SEC61A2: variants seen among roughly 807,000 people sequenced by gnomAD.
SEC61A2 encodes the protein protein transport protein Sec61 subunit alpha isoform 2.
Under a neutral mutation model 59.9 loss-of-function variants are expected in SEC61A2, and 28 were observed. The observed-to-expected ratio is 0.47, with a 90% CI of 0.35 to 0.64. The LOEUF is 0.64. SEC61A2 is among the 30% of genes least tolerant of loss of function. The probability of loss-of-function intolerance (pLI) is 0.01; values close to 1 mark genes in which losing one functional copy is unlikely to be tolerated. For missense variants in SEC61A2, 340 were observed against 585.9 expected, an observed-to-expected ratio of 0.58 and a Z score of 4.33; for synonymous variants, 202 against 214.4, an observed-to-expected ratio of 0.94 and a Z score of 0.50.
intron 1 of SEC61A2, among the ~76,000 whole-genome samples, chr10:12,132,997 G>A (rs539416002): frequency 2.0e-5 from 3 of 152,260 alleles, no homozygotes; most frequent in African/African-American, 4.8e-5. Flanking sequence ...TCTGGAAAAA[G>A]GTTGCTTGGA....
chr10:12,151,986 T>C (rs946365969), intron 6 of SEC61A2, among the ~76,000 whole-genome samples: 15 of 152,218 alleles, frequency 9.9e-5, no homozygotes, highest in African/African-American at 2.7e-4. Flanking sequence ...GTGTGACTTA[T>C]ATCCAGGAAA....
At chr10:12,146,557 A>G (rs549556294) in intron 4 of SEC61A2, among the ~76,000 whole-genome samples, 25 of 150,374 alleles carry the variant, frequency 1.7e-4, no homozygotes, top group East Asian at 6.0e-4. Flanking sequence ...TCGCTCTGTC[A>G]CCCAGGCTGG....
intron 3 of SEC61A2, among the ~76,000 whole-genome samples, chr10:12,137,314 G>A (rs1398056894): frequency 6.6e-6 from 1 of 151,962 alleles, no homozygotes; most frequent in Non-Finnish European, 1.5e-5. Flanking sequence ...GTGTTTTTTT[G>A]GTTTTTGTTT....
chr10:12,135,705 C>A (rs11257556), intron 2 of SEC61A2, among the ~76,000 whole-genome samples: 60,675 of 152,046 alleles, frequency 0.4, 13,282 homozygotes, highest in South Asian at 0.55. Flanking sequence ...TAAGTGAGAG[C>A]CCACAGTGTT....
At position 12,142,612 on chromosome 10, in the gene SEC61A2, G is replaced by A. The variant is rs1478785258; in HGVS notation, c.142-505G>A. Reference sequence around the variant, plus strand: ...TGGTGGGAGTGTTTTTTAAATTGTGGTAAAAGTATAGAAAATATGCCATCT... The same window carrying A: ...TGGTGGGAGTGTTTTTTAAATTGTGATAAAAGTATAGAAAATATGCCATCT... On this transcript the variant is annotated intron_variant, in intron 3 of 11. Transcript: ENST00000298428. This position sits in a 1 kb window ranked among gnomAD's most constrained non-coding sequence, Gnocchi z 5.4. 1.6e-6 allele frequency: 1 copy of A among 622,606 alleles called. No individual in the cohort carries two copies. Among genetic ancestry groups the A allele is most frequent in the Non-Finnish European group, 2.0e-6 (1 of 498,938 alleles). 38.6% of individuals were successfully genotyped at this position (622,606 alleles called of 1,614,324 possible).
At position 12,154,477 on chromosome 10, in the gene SEC61A2, T is replaced by G. The variant is rs1259843397; in HGVS notation, c.463-1301T>G. Reference sequence around the variant, plus strand: ...GACGGCTGTTGCCTCCTGCATAGGATGGGTTTCTCTATGATGGGGAGTCTC... The same window carrying G: ...GACGGCTGTTGCCTCCTGCATAGGAGGGGTTTCTCTATGATGGGGAGTCTC... On this transcript the variant is annotated intron_variant, in intron 6 of 11. Coordinates refer to ENST00000298428, the MANE Select transcript of SEC61A2 (RefSeq NM_018144.4). This position sits in a 1 kb window ranked among gnomAD's most constrained non-coding sequence, Gnocchi z 5.2. Among the ~76,000 whole-genome samples, 1 of 152,166 alleles carries G rather than the reference T, an allele frequency of 6.6e-6. No homozygotes were observed. The highest frequency in any genetic ancestry group is 1.5e-5 in the Non-Finnish European group (1 of 68,032).
rs1834330486 is a variant in SEC61A2 at position 12,153,610 on chromosome 10, C to T, written c.463-2168C>T. ...ATGAAACAAGTGAAGTGGATGTACA[C>T]TGATTCATTTACATGAATTCTGATA... On this transcript the variant is annotated intron_variant, in intron 6 of 11. Transcript: ENST00000298428. This position sits in a 1 kb window ranked among gnomAD's most constrained non-coding sequence, Gnocchi z 5.2. 2.0e-6 allele frequency: 2 copies of T among 998,652 alleles called. No individual in the cohort carries two copies. Among genetic ancestry groups the T allele is most frequent in the Non-Finnish European group, 2.9e-6 (2 of 696,132 alleles). 61.9% of individuals were successfully genotyped at this position (998,652 alleles called of 1,614,324 possible).
rs1170751571 is a variant in SEC61A2 at position 12,162,374 on chromosome 10, G to A, written c.1244+85G>A. Reference sequence around the variant, plus strand: ...TGGCTAAATGTTTTTCTTTGTTCAAGTTCATATTTAAAACCCTTCTATTCA... The same window carrying A: ...TGGCTAAATGTTTTTCTTTGTTCAAATTCATATTTAAAACCCTTCTATTCA... On this transcript the variant is annotated intron_variant, in intron 11 of 11. Coordinates refer to ENST00000298428, the MANE Select transcript of SEC61A2 (RefSeq NM_018144.4). This position sits in a 1 kb window ranked among gnomAD's most constrained non-coding sequence, Gnocchi z 6.1. 8 of 1,178,300 alleles carry A rather than the reference G, an allele frequency of 6.8e-6. No individual in the cohort carries two copies. Among genetic ancestry groups the A allele is most frequent in the East Asian group, 2.3e-5 (1 of 42,784 alleles). 73.0% of individuals were successfully genotyped at this position (1,178,300 alleles called of 1,614,324 possible).
rs115918860 is a variant in SEC61A2 at position 12,148,755 on chromosome 10, C to T, written c.221-840C>T. On this transcript the variant is annotated intron_variant, in intron 4 of 11. Coordinates refer to ENST00000298428, the MANE Select transcript of SEC61A2 (RefSeq NM_018144.4). The stretch of plus-strand genomic sequence containing the variant: ...GCCAGGATGGTCTCAATCTCCTGAC[C>T]TCAGGTGATCTGTTGGCTTTGGCCT... 2.6e-3 allele frequency among the ~76,000 whole-genome samples: 395 copies of T among 151,492 alleles called. 1 individual carries two copies. Among genetic ancestry groups the T allele is most frequent in the African/African-American group, 9.2e-3 (380 of 41,278 alleles).
rs1199860378 is a variant in SEC61A2 at position 12,160,955 on chromosome 10, G to A, written c.1001G>A (p.Arg334His). Residue 334 changes from arginine (R) to histidine (H), a missense_variant, in exon 10 of 12, where the codon CGT becomes CAT. Transcript: ENST00000298428. The surrounding 1 kb of genome is among the most constrained non-coding windows in gnomAD (Gnocchi z 4.1). ...WADVSGGGPA[R>H]SYPVGGLCYY... Reference sequence around the variant, plus strand: ...GATGTCAGTGGGGGAGGACCCGCACGTTCTTACCCAGTTGGAGGCCTTTGT... The same window carrying A: ...GATGTCAGTGGGGGAGGACCCGCACATTCTTACCCAGTTGGAGGCCTTTGT... The A allele has an allele frequency of 1.2e-6, 2 of 1,613,630 alleles. No individual in the cohort carries two copies. Among genetic ancestry groups the A allele is most frequent in the Admixed American group, 1.7e-5 (1 of 59,924 alleles).
downstream of SEC61A2, chr10:12,167,236 T>C (rs1303934020): frequency 1.3e-5 from 2 of 159,202 alleles, no homozygotes; most frequent in Non-Finnish European, 2.8e-5. Flanking sequence ...AAAAATTCAA[T>C]TAGAAGAGGC....
At position 12,162,265 on chromosome 10, in the gene SEC61A2, C is replaced by A. The variant is rs765985051; in HGVS notation, c.1220C>A (p.Thr407Asn). ...QQMVMRGHRD[T>N]SMVHELNRYI... The stretch of plus-strand genomic sequence containing the variant: ...ATGGTAATGAGGGGCCACCGAGATA[C>A]CTCTATGGTTCATGAGCTTAATAGG... The change falls in exon 11 of 12, where the codon ACC becomes AAC. Residue 407 changes from threonine (T) to asparagine (N), a missense_variant. Coordinates refer to ENST00000298428, the MANE Select transcript of SEC61A2 (RefSeq NM_018144.4). This position sits in a 1 kb window ranked among gnomAD's most constrained non-coding sequence, Gnocchi z 6.1. 5.0e-6 allele frequency: 8 copies of A among 1,613,532 alleles called. No individual in the cohort carries two copies. Among genetic ancestry groups the A allele is most frequent in the Admixed American group, 3.3e-5 (2 of 59,976 alleles).
rs1157473774 is a variant in SEC61A2, at chr10:12,157,017, A to G, written c.727A>G (p.Met243Val). ...TTATCGGCAGAACTTACCCAATCTCATGAACCTCATTGCTACAGTTTTTGT... is the reference window on the plus strand; with the variant it reads ...TTATCGGCAGAACTTACCCAATCTCGTGAACCTCATTGCTACAGTTTTTGT... ...AFYRQNLPNL[M>V]NLIATVFVFA... Residue 243 changes from methionine (M) to valine (V), a missense_variant, in exon 8 of 12, where the codon ATG becomes GTG. Physicochemically the swap from Met to Val is conservative, Grantham distance 21 (BLOSUM62 1). Coordinates refer to ENST00000298428, the MANE Select transcript of SEC61A2 (RefSeq NM_018144.4). 3.1e-6 allele frequency: 5 copies of G among 1,613,334 alleles called. No homozygotes were observed. Among genetic ancestry groups the G allele is most frequent in the East Asian group, 2.2e-5 (1 of 44,888 alleles).
chr10:12,163,871 G>A (rs956858333), intron 11 of SEC61A2, among the ~76,000 whole-genome samples: 1 of 152,004 alleles, frequency 6.6e-6, no homozygotes, highest in Non-Finnish European at 1.5e-5. Context: ...GCAGCCAAAG[G>A]TTGAATTACT....
chr10:12,151,700 A>G (rs111575171), intron 6 of SEC61A2, among the ~76,000 whole-genome samples: 61 of 152,280 alleles, frequency 4.0e-4, no homozygotes, highest in African/African-American at 1.4e-3. Flanking sequence ...TAATATATAC[A>G]TAGAAGGAAA....
At chr10:12,169,473 G>A (rs976634696), downstream of SEC61A2, 3 of 592,088 alleles carry the variant, frequency 5.1e-6, no homozygotes, top group Non-Finnish European at 8.7e-6. The surrounding 1 kb of genome is among the most constrained non-coding windows in gnomAD (Gnocchi z 4.8). Flanking sequence ...AGCTAATTAT[G>A]GTCCGCGGAG....
At chr10:12,157,886 T>TA in intron 8 of SEC61A2, 22 bp from the exon 9 acceptor site, 1 of 1,611,704 alleles carries the variant, frequency 6.2e-7, no homozygotes, top group Non-Finnish European at 8.5e-7. Flanking sequence ...CTCCCCCACT[T>TA]ACTCTCCGTT....
chr10:12,136,206 A>G lies in SEC61A2; in HGVS notation c.141+36A>G, dbSNP rs186168288. 8.1e-4 allele frequency: 1,065 copies of G among 1,320,776 alleles called. 2 individuals are homozygous for G. Among genetic ancestry groups the G allele is most frequent in the Non-Finnish European group, 9.0e-4 (829 of 916,200 alleles). The allele number at this position is 1,320,776 out of a possible 1,614,324, so 81.8% of individuals were successfully genotyped here. On this transcript the variant is annotated intron_variant, in intron 3 of 11. Coordinates refer to ENST00000298428, the MANE Select transcript of SEC61A2 (RefSeq NM_018144.4). ...ATACTATTAAATAAATGTCTGCACC[A>G]TTGTTCTAAGGTTTTGATTGGTTAG...
In SEC61A2 at chr10:12,165,372, G is replaced by A. The variant is rs569277065; in HGVS notation, c.*918G>A. 5.1e-5 allele frequency: 50 copies of A among 972,808 alleles called. No individual in the cohort carries two copies. The African/African-American group carries it at 7.9e-4, about 15-fold the overall frequency. The allele number at this position is 972,808 out of a possible 1,614,324, so 60.3% of individuals were successfully genotyped here. A position where few individuals can be genotyped will look rare whatever the true frequency, so the allele number is the denominator to read the frequency against. Reference sequence around the variant, plus strand: ...ACTTTTATTTAAGAAAACTGATTCAGTTGTGTTGGAAAAAATAAAGAAATC... The same window carrying A: ...ACTTTTATTTAAGAAAACTGATTCAATTGTGTTGGAAAAAATAAAGAAATC... On this transcript the variant is annotated 3_prime_UTR_variant, in exon 12 of 12. Transcript: ENST00000298428.
Sources: gnomAD v4.1 joint callset for allele counts (sites outside exome capture counted in the v4.1 genomes callset) on GRCh38, gnomAD v4.1.1 for gene constraint, Gnocchi (gnomAD v3.1) non-coding constraint, MANE v1.5 for transcripts, NCBI Gene and HGNC (gene_info 2026-07-23, HGNC 2026-07-21) for gene names.